Variants in GDA observed in about 807,000 individuals in gnomAD.
GDA encodes the protein cytoplasmic PSD-95 interactor.
In GDA, 18 loss-of-function variants were observed where a neutral mutation model predicts 59.6. The ratio of observed to expected loss-of-function variants is 0.30; its 90% CI spans 0.21 to 0.45. GDA has a LOEUF of 0.45. Among genes scored for constraint, GDA ranks in the 20% least tolerant of loss-of-function variants. GDA has a pLI of 1.00. For missense variants in GDA, 427 were observed against 552.3 expected (o/e 0.77, Z 2.27); for synonymous variants, 201 against 201.1 (o/e 1.00, Z 0.00).
At chr9:72,181,902 A>G (rs942362815) in intron 1 of GDA, among the ~76,000 whole-genome samples, 3 of 152,204 alleles carry the variant, frequency 2.0e-5, no homozygotes, top group Non-Finnish European at 4.4e-5. Context: ...TGATTCAAAA[A>G]GTTACAAGAA....
chr9:72,250,001 AAAC>A lies in GDA; in HGVS notation c.*1664_*1666del. 1.0e-6 allele frequency: 1 copy of A among 957,668 alleles called. No homozygotes were observed. Among genetic ancestry groups the A allele is most frequent in the Admixed American group, 6.2e-5 (1 of 16,234 alleles). 59.3% of individuals were successfully genotyped at this position (957,668 alleles called of 1,614,324 possible). A position where few individuals can be genotyped will look rare whatever the true frequency, so the allele number is the denominator to read the frequency against. The stretch of plus-strand genomic sequence containing the variant: ...CAAAAGTTAGTTTTATTTTTTTAAT[AAAC>A]AACAGAGTTTGTTTTGTGAGATAAG... On this transcript the variant is annotated 3_prime_UTR_variant, in exon 14 of 14. Coordinates refer to ENST00000358399, the MANE Select transcript of GDA (RefSeq NM_004293.5).
At chr9:72,116,257 G>A (rs962235962) in intron 1 of GDA, among the ~76,000 whole-genome samples, 1 of 151,888 alleles carries the variant, frequency 6.6e-6, no homozygotes, top group South Asian at 2.1e-4. Context: ...TATGAAATAT[G>A]TTCCTTATTT....
chr9:72,154,987 T>G (rs62561973), intron 1 of GDA, among the ~76,000 whole-genome samples: 23,657 of 152,232 alleles, frequency 0.16, 2,504 homozygotes, highest in East Asian at 0.5. Flanking sequence ...ATTAACAGAA[T>G]CTGCCATGAC....
At chr9:72,181,744 A>G (rs1331247222) in intron 1 of GDA, among the ~76,000 whole-genome samples, 1 of 152,144 alleles carries the variant, frequency 6.6e-6, no homozygotes, top group Non-Finnish European at 1.5e-5. Flanking sequence ...GGCTCAAGCA[A>G]TCCTCACATT....
chr9:72,210,749 A>G lies in GDA; in HGVS notation c.447A>G (p.Ser149=). 2 of 1,609,880 alleles carry G rather than the reference A, an allele frequency of 1.2e-6. No homozygotes were observed. The highest frequency in any genetic ancestry group is 1.1e-5 in the South Asian group (1 of 90,976). Residue 149 remains serine (S), a synonymous_variant, in exon 4 of 14, where the codon TCA becomes TCG. Coordinates refer to ENST00000358399, the MANE Select transcript of GDA (RefSeq NM_004293.5). The part of the protein sequence containing the change: ...ACYFATIHTD[S]SLLLADITDK... ...ACTTTGCAACAATTCACACTGACTCATCTCTGCTCCTTGCCGACATTACAG... is the reference window on the plus strand; with the variant it reads ...ACTTTGCAACAATTCACACTGACTCGTCTCTGCTCCTTGCCGACATTACAG...
In GDA at chr9:72,133,308, A is replaced by AT. The variant is rs1554722432; in HGVS notation, c.-100+18475_-100+18476insT. Among the ~76,000 whole-genome samples the AT allele has an allele frequency of 4.2e-3, 430 of 101,468 alleles. 13 individuals carry two copies. Among genetic ancestry groups the AT allele is most frequent in the Admixed American group, 0.042 (296 of 7,130 alleles). The allele number at this position is 101,468 out of a possible 152,430, so 66.6% of individuals were successfully genotyped here. A position where few individuals can be genotyped will look rare whatever the true frequency, so the allele number is the denominator to read the frequency against. ...TGTCTAAAAAAAAAAAAAAAAAAAA[A>AT]AATAATAATAATAATAATAATAATT... On this transcript the variant is annotated intron_variant, in intron 1 of 13. Coordinates refer to the GDA transcript ENST00000545168.
intron 2 of GDA, among the ~76,000 whole-genome samples, chr9:72,198,530 CAAA>C (rs57886644): frequency 9.2e-6 from 1 of 108,868 alleles, no homozygotes; most frequent in Non-Finnish European, 1.9e-5. Flanking sequence ...GACTCCATCT[CAAA>C]AAAAAAAAAA....
chr9:72,177,342 C>T (rs1473427408), intron 1 of GDA, among the ~76,000 whole-genome samples: 6 of 151,830 alleles, frequency 4.0e-5, no homozygotes, highest in Non-Finnish European at 5.9e-5. Flanking sequence ...GTGATCCACC[C>T]GCCTCGGCCT....
intron 2 of GDA, among the ~76,000 whole-genome samples, chr9:72,198,846 G>GATATATATATATATATAT (rs141544036): frequency 0.085 from 10,924 of 127,956 alleles, 591 homozygotes; most frequent in Non-Finnish European, 0.1. Context: ...TATATAGGGG[G>GATATATATATATATATAT]ATATATATAT....
At chr9:72,219,776 GTTTA>G (rs1406711066) in intron 6 of GDA, among the ~76,000 whole-genome samples, 1 of 152,118 alleles carries the variant, frequency 6.6e-6, no homozygotes, top group East Asian at 1.9e-4. Context: ...TTTATACATT[GTTTA>G]TTGATTATTA....
chr9:72,179,488 G>T (rs1180587493), intron 1 of GDA, among the ~76,000 whole-genome samples: 1 of 152,154 alleles, frequency 6.6e-6, no homozygotes, highest in Non-Finnish European at 1.5e-5. Context: ...GCAGAATCTT[G>T]ATCCTTCAGT....
Position 72,155,038 on chromosome 9 carries a change from C to T in GDA, c.123+5356C>T, listed in dbSNP as rs79583833. Among the ~76,000 whole-genome samples the T allele has an allele frequency of 2.2e-3, 331 of 152,190 alleles. 2 individuals carry two copies. In the East Asian group the frequency reaches 0.026, roughly 12 times the overall value. On this transcript the variant is annotated intron_variant, in intron 1 of 13. Coordinates refer to ENST00000358399, the MANE Select transcript of GDA (RefSeq NM_004293.5). ...CTAGTTAGGGGAAGGCTTTCCCTAG[C>T]GTGAAGTGACATCAAACTTGCGATG...
intron 2 of GDA, among the ~76,000 whole-genome samples, chr9:72,198,022 C>A (rs534310796): frequency 6.6e-6 from 1 of 152,072 alleles, no homozygotes; most frequent in East Asian, 1.9e-4. Context: ...ACCTCAGGCA[C>A]AAAATTTAAA....
chr9:72,138,058 G>A (rs1423539501), intron 1 of GDA, among the ~76,000 whole-genome samples: 1 of 152,110 alleles, frequency 6.6e-6, no homozygotes, highest in Non-Finnish European at 1.5e-5. Flanking sequence ...GGAGAGTTGT[G>A]TATCTGTTCC....
Position 72,205,467 on chromosome 9 carries a change from G to C in GDA, c.384+2725G>C, listed in dbSNP as rs530134303. On this transcript the variant is annotated intron_variant, in intron 3 of 13. Coordinates refer to ENST00000358399, the MANE Select transcript of GDA (RefSeq NM_004293.5). Reference sequence around the variant, plus strand: ...AACTTCACACAAATTAAATTTAACAGAGTAAATTGAGCAAAGAACGATTCC... The same window carrying C: ...AACTTCACACAAATTAAATTTAACACAGTAAATTGAGCAAAGAACGATTCC... Among the ~76,000 whole-genome samples the C allele has an allele frequency of 1.2e-3, 177 of 152,294 alleles. 1 individual carries two copies. The highest frequency in any genetic ancestry group is 4.2e-3 in the African/African-American group (173 of 41,558).
intron 3 of GDA, 149 bp downstream of exon 3, chr9:72,202,891 A>ATAC: frequency 6.3e-6 from 3 of 477,688 alleles, no homozygotes; most frequent in Admixed American, 3.7e-5. Flanking sequence ...CAGTCCAGTG[A>ATAC]GTTTGTGACC....
At chr9:72,228,222 T>C (rs116894653) in intron 9 of GDA, 182 bp downstream of exon 9, 5 of 564,778 alleles carry the variant, frequency 8.9e-6, no homozygotes, top group African/African-American at 1.9e-5. Flanking sequence ...TAAGAGGACA[T>C]TTATCTCAGA....
intron 1 of GDA, among the ~76,000 whole-genome samples, chr9:72,115,057 T>C (rs1346450641): frequency 1.3e-5 from 2 of 152,176 alleles, no homozygotes; most frequent in Non-Finnish European, 2.9e-5. Flanking sequence ...GTGTATGATC[T>C]ACCGGGAGGA....
At chr9:72,246,013 C>T (rs1840100600) in intron 12 of GDA, among the ~76,000 whole-genome samples, 2 of 151,994 alleles carry the variant, frequency 1.3e-5, no homozygotes, top group Admixed American at 6.6e-5. Flanking sequence ...AAGAAAAATT[C>T]TGTATTATAT....
Sources: gnomAD v4.1 joint callset for allele counts (sites outside exome capture counted in the v4.1 genomes callset) on GRCh38, gnomAD v4.1.1 for gene constraint, MANE v1.5 for transcripts, NCBI Gene and HGNC (gene_info 2026-07-23, HGNC 2026-07-21) for gene names.